PAPPA2: variants seen among roughly 807,000 people sequenced by gnomAD.
The protein encoded by PAPPA2 is pappalysin 2, also known as pappalysin-2.
Under a neutral mutation model 176.4 loss-of-function variants are expected in PAPPA2, and 86 were observed. The ratio of observed to expected loss-of-function variants is 0.49; its 90% CI spans 0.41 to 0.58. The LOEUF is 0.58. PAPPA2 is among the 20% of genes least tolerant of loss of function. The probability of loss-of-function intolerance (pLI) is 0.00; values close to 1 mark genes in which losing one functional copy is unlikely to be tolerated. For synonymous variants in PAPPA2, 809 were observed against 852.2 expected (o/e 0.95, Z 0.88); for missense variants, 2,073 against 2,256.9 (o/e 0.92, Z 1.65).
intron 18 of PAPPA2, 68 bp downstream of exon 18, chr1:176,790,045 T>C: frequency 6.5e-7 from 1 of 1,536,366 alleles, no homozygotes; most frequent in South Asian, 1.2e-5. Context: ...ATCCAAGAAA[T>C]TTGAGAAATG....
intron 2 of PAPPA2, among the ~76,000 whole-genome samples, chr1:176,566,626 T>C (rs1293490873): frequency 6.6e-6 from 1 of 152,130 alleles, no homozygotes. Context: ...AGGTTGGAAA[T>C]ATTCAGGAGT....
chr1:176,522,699 T>C (rs923898264), intron 1 of PAPPA2, among the ~76,000 whole-genome samples: 2 of 152,226 alleles, frequency 1.3e-5, no homozygotes, highest in Non-Finnish European at 2.9e-5. Flanking sequence ...ACCTGACTCA[T>C]TGCCATGCCT....
chr1:176,589,218 A>G (rs1653505052), intron 2 of PAPPA2, among the ~76,000 whole-genome samples: 1 of 152,146 alleles, frequency 6.6e-6, no homozygotes, highest in South Asian at 2.1e-4. Flanking sequence ...TTGGAGGACT[A>G]TATTCCAGTT....
intron 3 of PAPPA2, among the ~76,000 whole-genome samples, chr1:176,668,675 G>A (rs960144698): frequency 2.6e-5 from 4 of 152,170 alleles, no homozygotes; most frequent in Admixed American, 1.3e-4. Flanking sequence ...GTTTACTCTC[G>A]TTGGTTTAGA....
rs770408739 is a variant in PAPPA2 at position 176,699,378 on chromosome 1, A to G, written c.3025A>G (p.Ile1009Val). The G allele has an allele frequency of 6.2e-7, 1 of 1,614,060 alleles. No individual in the cohort carries two copies. The highest frequency in any genetic ancestry group is 2.2e-5 in the East Asian group (1 of 44,890). ...CACTTTCTGTGACATCCCACTCACC[A>G]TCAAACTGCACGTGGATGGGAAGGT... is the stretch of plus-strand genomic sequence containing the variant. The part of the protein sequence containing the change: ...LDTFCDIPLT[I>V]KLHVDGKVSG... The change falls in exon 8 of 23, where the codon ATC (isoleucine) becomes GTC (valine). Residue 1009 changes from isoleucine (I) to valine (V), a missense_variant. Ile to Val is a conservative substitution (Grantham distance 29, BLOSUM62 3). Around this residue, in one of 4 missense-constraint regions of PAPPA2, gnomAD observed 1,196 missense variants for 1,330.4 expected, o/e 0.90. Transcript: ENST00000367662.
chr1:176,613,221 T>A lies in PAPPA2; in HGVS notation c.1991+17626T>A, dbSNP rs139129700. On this transcript the variant is annotated intron_variant, in intron 3 of 22. Coordinates refer to ENST00000367662, the MANE Select transcript of PAPPA2 (RefSeq NM_020318.3). ...TCCATTTCCTTCTTTCACAAGTCAT[T>A]GTGGAAAAAAAGCAATTCTGAAACC... 3.8e-3 allele frequency among the ~76,000 whole-genome samples: 578 copies of A among 152,252 alleles called. 1 individual carries two copies. Among genetic ancestry groups the A allele is most frequent in the South Asian group, 7.1e-3 (34 of 4,818 alleles).
At chr1:176,565,646 T>C (rs1651927056) in intron 2 of PAPPA2, among the ~76,000 whole-genome samples, 1 of 152,136 alleles carries the variant, frequency 6.6e-6, no homozygotes, top group African/African-American at 2.4e-5. Context: ...CAGTGAGCCA[T>C]GACTGTGCCG....
intron 14 of PAPPA2, among the ~76,000 whole-genome samples, chr1:176,748,904 A>G (rs760672837): frequency 6.6e-6 from 1 of 152,224 alleles, no homozygotes; most frequent in Non-Finnish European, 1.5e-5. Flanking sequence ...GCACAATAAA[A>G]TCACCTAACA....
intron 17 of PAPPA2, among the ~76,000 whole-genome samples, chr1:176,782,677 G>A (rs1188236710): frequency 6.6e-6 from 1 of 152,142 alleles, no homozygotes; most frequent in Non-Finnish European, 1.5e-5. Context: ...AATAAAGTTG[G>A]AGAAAATGGA....
rs12127833 is a variant in PAPPA2, at chr1:176,821,038, A to G, written c.5203-19135A>G. Among the ~76,000 whole-genome samples, 389 of 152,230 alleles carry G rather than the reference A, an allele frequency of 2.6e-3. 2 individuals are homozygous for G. The highest frequency in any genetic ancestry group is 4.5e-3 in the Non-Finnish European group (307 of 67,998). On this transcript the variant is annotated intron_variant, in intron 21 of 22. Transcript: ENST00000367662. ...GTCTAAAAGTCTGCTGCTCCCCCCA[A>G]TGGCTAGGATTTGCAGGAATGTCAT...
chr1:176,825,515 A>G (rs889791922), intron 21 of PAPPA2, among the ~76,000 whole-genome samples: 1 of 152,206 alleles, frequency 6.6e-6, no homozygotes, highest in Non-Finnish European at 1.5e-5. Context: ...ATATGCAGAT[A>G]CTGTGGCAGG....
chr1:176,542,248 T>A (rs1387928657), intron 1 of PAPPA2, among the ~76,000 whole-genome samples: 4 of 152,146 alleles, frequency 2.6e-5, no homozygotes. Flanking sequence ...CTGACAAGAT[T>A]GAGTGACAGT....
chr1:176,701,490 T>C (rs1475215537), intron 8 of PAPPA2, among the ~76,000 whole-genome samples: 1 of 152,192 alleles, frequency 6.6e-6, no homozygotes, highest in Non-Finnish European at 1.5e-5. Context: ...CTCTGGGGGA[T>C]GTGGGGGTAA....
Position 176,613,122 on chromosome 1 carries a change from G to T in PAPPA2, c.1991+17527G>T, listed in dbSNP as rs1186646717. ...GGCAGGGTAGAAACTTGAGGGAAGTGGAGATTGTTCACAGTAGCCTCTTTC... is the reference window on the plus strand; with the variant it reads ...GGCAGGGTAGAAACTTGAGGGAAGTTGAGATTGTTCACAGTAGCCTCTTTC... On this transcript the variant is annotated intron_variant, in intron 3 of 22. Coordinates refer to ENST00000367662, the MANE Select transcript of PAPPA2 (RefSeq NM_020318.3). 2.0e-5 allele frequency among the ~76,000 whole-genome samples: 3 copies of T among 152,268 alleles called. 1 individual carries two copies. Among genetic ancestry groups the T allele is most frequent in the African/African-American group, 7.2e-5 (3 of 41,556 alleles).
chr1:176,664,007 C>T (rs1326022335), intron 3 of PAPPA2, among the ~76,000 whole-genome samples: 1 of 152,140 alleles, frequency 6.6e-6, no homozygotes, highest in Non-Finnish European at 1.5e-5. Context: ...CTCTTTTCCT[C>T]CTCTTGAGTC....
chr1:176,702,462 A>C (rs1055688697), intron 8 of PAPPA2, 145 bp from the exon 9 acceptor site: 5 of 1,220,668 alleles, frequency 4.1e-6, no homozygotes, highest in Non-Finnish European at 5.6e-6. Flanking sequence ...CTGTGCCCTG[A>C]TCTTTGTTTT....
chr1:176,813,495 A>C (rs1012545558), intron 21 of PAPPA2, among the ~76,000 whole-genome samples: 1 of 152,152 alleles, frequency 6.6e-6, no homozygotes, highest in Non-Finnish European at 1.5e-5. Flanking sequence ...ACTGGCATGA[A>C]ATGATATCTC....
intron 17 of PAPPA2, among the ~76,000 whole-genome samples, chr1:176,786,991 G>A (rs1254427403): frequency 2.0e-5 from 3 of 151,924 alleles, no homozygotes; most frequent in Non-Finnish European, 4.4e-5. Flanking sequence ...TTATTACCTG[G>A]GTGATGAAAT....
At position 176,716,248 on chromosome 1, in the gene PAPPA2, T is replaced by TC. The variant is rs397943464; in HGVS notation, c.3798+4268dup. Among the ~76,000 whole-genome samples the TC allele has an allele frequency of 2.8e-4, 42 of 149,646 alleles. 1 individual carries two copies. Among genetic ancestry groups the TC allele is most frequent in the African/African-American group, 8.8e-4 (36 of 40,810 alleles). ...ACCTCTTTCTTTTTTTTTTTTTTTT[T>TC]CTTTTGTTTGAGACGGAATCTTGCT... On this transcript the variant is annotated intron_variant, in intron 12 of 22. Transcript: ENST00000367662.
Sources: gnomAD v4.1 joint callset for allele counts (sites outside exome capture counted in the v4.1 genomes callset) on GRCh38, gnomAD v4.1.1 for gene constraint, gnomAD v4.1.1 regional missense constraint, MANE v1.5 for transcripts, NCBI Gene and HGNC (gene_info 2026-07-23, HGNC 2026-07-21) for gene names.